The following RNGTT variants were observed in gnomAD, a reference collection of about 807,000 sequenced individuals.
RNGTT encodes the protein RNA guanylyltransferase and 5'-phosphatase.
In RNGTT, 33 loss-of-function variants were observed where a neutral mutation model predicts 79.3. The ratio of observed to expected loss-of-function variants is 0.42; its 90% confidence interval spans 0.32 to 0.56. The LOEUF (loss-of-function observed/expected upper bound fraction) is 0.56. Among genes scored for constraint, RNGTT ranks in the 20% least tolerant of loss-of-function variants. RNGTT has a pLI of 0.17. For synonymous variants in RNGTT, 222 were observed against 235.9 expected (o/e 0.94, Z 0.54); for missense variants, 497 against 739.1 (o/e 0.67, Z 3.80).
intron 4 of RNGTT, among the ~76,000 whole-genome samples, chr6:88,922,495 T>C (rs1784193312): frequency 6.6e-6 from 1 of 152,074 alleles, no homozygotes; most frequent in Non-Finnish European, 1.5e-5. Context: ...ATCTAGAACC[T>C]AGTTTGTTTT....
chr6:88,913,778 T>C (rs1258750263), intron 4 of RNGTT, among the ~76,000 whole-genome samples: 1 of 152,098 alleles, frequency 6.6e-6, no homozygotes, highest in Non-Finnish European at 1.5e-5. Flanking sequence ...GCTGGAACCA[T>C]TCCCCTTAAG....
At chr6:88,643,868 T>C (rs1773423282) in intron 14 of RNGTT, among the ~76,000 whole-genome samples, 1 of 152,150 alleles carries the variant, frequency 6.6e-6, no homozygotes, top group Admixed American at 6.5e-5. Context: ...TAGAGGGAAA[T>C]GTATGGCACT....
chr6:88,692,099 C>G (rs1392826737), intron 13 of RNGTT, among the ~76,000 whole-genome samples: 2 of 152,066 alleles, frequency 1.3e-5, no homozygotes, highest in Non-Finnish European at 2.9e-5. Flanking sequence ...ACCACAAACA[C>G]AACAAAATGA....
At chr6:88,837,769 T>C (rs767618389) in intron 11 of RNGTT, among the ~76,000 whole-genome samples, 1 of 152,126 alleles carries the variant, frequency 6.6e-6, no homozygotes, top group Non-Finnish European at 1.5e-5. Flanking sequence ...TGAACACCCA[T>C]TCTTGGTTAA....
chr6:88,818,408 C>A (rs1490839020), intron 11 of RNGTT, among the ~76,000 whole-genome samples: 5 of 151,844 alleles, frequency 3.3e-5, no homozygotes, highest in African/African-American at 1.2e-4. Context: ...CATGGTGAAA[C>A]CCCGTCTCTA....
At chr6:88,809,392 A>G (rs1305221945) in intron 11 of RNGTT, among the ~76,000 whole-genome samples, 2 of 152,174 alleles carry the variant, frequency 1.3e-5, no homozygotes, top group African/African-American at 4.8e-5. Flanking sequence ...AAGCAGACAG[A>G]AAGCCAGTGA....
At chr6:88,916,819 T>C (rs1252845456) in intron 4 of RNGTT, among the ~76,000 whole-genome samples, 1 of 152,278 alleles carries the variant, frequency 6.6e-6, no homozygotes, top group Non-Finnish European at 1.5e-5. Flanking sequence ...CTGCCTATGT[T>C]GACTTCTGAT....
intron 6 of RNGTT, among the ~76,000 whole-genome samples, chr6:88,900,123 C>A (rs1783397877): frequency 7.6e-6 from 1 of 131,096 alleles, no homozygotes; most frequent in African/African-American, 2.9e-5. Context: ...ATCAAAAATA[C>A]TCAAATATGC....
chr6:88,725,994 A>G (rs1355862251), intron 13 of RNGTT, among the ~76,000 whole-genome samples: 1 of 152,172 alleles, frequency 6.6e-6, no homozygotes, highest in Non-Finnish European at 1.5e-5. Context: ...ATAAAGAGAA[A>G]GACAAAGAGG....
intron 13 of RNGTT, among the ~76,000 whole-genome samples, chr6:88,703,611 G>T (rs1223513886): frequency 6.6e-6 from 1 of 152,096 alleles, no homozygotes; most frequent in Non-Finnish European, 1.5e-5. Context: ...TGATGGGATT[G>T]TCCATATCTC....
chr6:88,918,382 T>C (rs370168529), intron 4 of RNGTT, among the ~76,000 whole-genome samples: 1 of 151,770 alleles, frequency 6.6e-6, no homozygotes, highest in African/African-American at 2.4e-5. Flanking sequence ...ACAAAGTGGA[T>C]AGGAAAAAAT....
intron 14 of RNGTT, among the ~76,000 whole-genome samples, chr6:88,624,401 G>A (rs1772549540): frequency 6.6e-6 from 1 of 151,898 alleles, no homozygotes; most frequent in Admixed American, 6.6e-5. Context: ...CAGTGAAACA[G>A]AATAGAGAGC....
intron 11 of RNGTT, among the ~76,000 whole-genome samples, chr6:88,832,878 C>T (rs933603194): frequency 6.6e-6 from 1 of 152,118 alleles, no homozygotes; most frequent in Non-Finnish European, 1.5e-5. Context: ...CAATGAGATA[C>T]CATCTCATGC....
intron 4 of RNGTT, among the ~76,000 whole-genome samples, chr6:88,922,781 G>A (rs562443142): frequency 1.8e-4 from 27 of 152,148 alleles, no homozygotes; most frequent in African/African-American, 2.9e-4. Flanking sequence ...CACCCGCCTC[G>A]GCCTCCCAAA....
At chr6:88,697,090 G>A (rs1339457598) in intron 13 of RNGTT, among the ~76,000 whole-genome samples, 1 of 152,070 alleles carries the variant, frequency 6.6e-6, no homozygotes, top group Non-Finnish European at 1.5e-5. Context: ...TAAATTTCAA[G>A]GATGAGTTCA....
At chr6:88,929,804 GTA>G (rs562526626) in intron 2 of RNGTT, among the ~76,000 whole-genome samples, 3 of 150,080 alleles carry the variant, frequency 2.0e-5, no homozygotes, top group Non-Finnish European at 3.0e-5. Flanking sequence ...TATATGATGT[GTA>G]TATATATATA....
At chr6:88,690,466 G>A (rs72923528) in intron 13 of RNGTT, among the ~76,000 whole-genome samples, 8,055 of 152,092 alleles carry the variant, frequency 0.053, 279 homozygotes, top group Non-Finnish European at 0.081. Context: ...TAGCGCTTGA[G>A]GAGACCAAGG....
intron 1 of RNGTT, among the ~76,000 whole-genome samples, chr6:88,948,923 T>G (rs1785130661): frequency 1.1e-5 from 1 of 91,042 alleles, no homozygotes; most frequent in African/African-American, 4.4e-5. Context: ...GCATGCTCGT[T>G]AAGAGTCATC....
chr6:88,662,151 C>CACACCTT (rs1438479676), intron 14 of RNGTT, among the ~76,000 whole-genome samples: 1 of 152,184 alleles, frequency 6.6e-6, no homozygotes, highest in Non-Finnish European at 1.5e-5. Flanking sequence ...ATAGAGGAAA[C>CACACCTT]ACACCTTTAA....
Sources: allele counts gnomAD v4.1 joint callset (sites outside exome capture counted in the v4.1 genomes callset), GRCh38; gene constraint gnomAD v4.1.1; transcripts MANE v1.5; gene names NCBI Gene and HGNC (gene_info 2026-07-23, HGNC 2026-07-21).